ENOX1: variants seen among roughly 807,000 people sequenced by gnomAD.
ENOX1 encodes the protein candidate growth-related and time keeping constitutive hydroquinone (NADH) oxidase.
In ENOX1, 42 loss-of-function variants were observed where a neutral mutation model predicts 82.5. The ratio of observed to expected loss-of-function variants is 0.51; its 90% CI spans 0.40 to 0.66. The LOEUF is 0.66. Ranked by LOEUF, ENOX1 falls within the 30% of genes least tolerant of loss-of-function variation. The pLI is 0.00. For missense variants in ENOX1, 608 were observed against 811.6 expected (o/e 0.75, Z 3.05); for synonymous variants, 271 against 282.2 (o/e 0.96, Z 0.40).
chr13:43,696,431 T>G (rs529632027), intron 1 of ENOX1, among the ~76,000 whole-genome samples: 1 of 152,382 alleles, frequency 6.6e-6, no homozygotes, highest in South Asian at 2.1e-4. Context: ...TGGTTCCTTC[T>G]GTGTCTGCTT....
chr13:43,432,834 G>C (rs1281836247), intron 3 of ENOX1, among the ~76,000 whole-genome samples: 1 of 151,736 alleles, frequency 6.6e-6, no homozygotes, highest in Non-Finnish European at 1.5e-5. Context: ...TTTTAAGGGG[G>C]ATTCAGACAC....
intron 12 of ENOX1, among the ~76,000 whole-genome samples, chr13:43,290,906 A>T (rs1374978560): frequency 5.3e-5 from 8 of 152,176 alleles, no homozygotes; most frequent in Non-Finnish European, 1.0e-4. Context: ...ACACGCCTGT[A>T]GTCCCAGCTA....
intron 9 of ENOX1, among the ~76,000 whole-genome samples, chr13:43,331,544 G>A (rs2048409290): frequency 6.6e-6 from 1 of 152,014 alleles, no homozygotes; most frequent in South Asian, 2.1e-4. Flanking sequence ...TCTATGAATA[G>A]CCCATGAGAG....
chr13:43,675,606 C>T (rs73479961), intron 1 of ENOX1, among the ~76,000 whole-genome samples: 7,252 of 152,218 alleles, frequency 0.048, 549 homozygotes, highest in African/African-American at 0.16. Context: ...AGCAATCTTT[C>T]GAAGAACAGA....
In ENOX1 at chr13:43,359,788, C is replaced by T. The variant is rs887453651; in HGVS notation, c.589+63G>A. 41 of 1,461,782 alleles carry T rather than the reference C, an allele frequency of 2.8e-5. 1 individual carries two copies. In the South Asian group the frequency reaches 4.7e-4, roughly 17 times the overall value. 90.6% of individuals were successfully genotyped at this position (1,461,782 alleles called of 1,614,324 possible). ...TTGCATGAAGGCCAAAGGGAATAAG[C>T]TCATATTAACATCACAAAACATAAC... On this transcript the variant is annotated intron_variant, in intron 7 of 16. Transcript: ENST00000690772.
intron 12 of ENOX1, among the ~76,000 whole-genome samples, chr13:43,281,569 G>A (rs2045386227): frequency 6.6e-6 from 1 of 151,212 alleles, no homozygotes. Context: ...TGCTCCTCTA[G>A]CTTTAGCAGT....
intron 3 of ENOX1, among the ~76,000 whole-genome samples, chr13:43,462,253 C>G (rs1266438561): frequency 1.3e-5 from 2 of 152,212 alleles, no homozygotes; most frequent in Non-Finnish European, 2.9e-5. Context: ...AATGCAAGAG[C>G]TTTTCTTCTG....
intron 2 of ENOX1, among the ~76,000 whole-genome samples, chr13:43,495,155 T>C (rs944295408): frequency 6.6e-5 from 10 of 152,174 alleles, no homozygotes; most frequent in Admixed American, 3.9e-4. Context: ...CAAAGATCAA[T>C]AGAGACTATC....
intron 9 of ENOX1, among the ~76,000 whole-genome samples, chr13:43,338,598 T>G (rs1331822857): frequency 2.0e-5 from 3 of 150,906 alleles, no homozygotes; most frequent in Non-Finnish European, 4.4e-5. Context: ...TTTTCATAAC[T>G]GGACATCCAT....
chr13:43,655,720 G>A (rs1056719039), intron 2 of ENOX1, among the ~76,000 whole-genome samples: 10 of 152,080 alleles, frequency 6.6e-5, no homozygotes, highest in Middle Eastern at 3.4e-3. Context: ...CTGCCCCACC[G>A]CTCCCCACAC....
chr13:43,600,698 G>T (rs2081670170), intron 2 of ENOX1, among the ~76,000 whole-genome samples: 1 of 152,094 alleles, frequency 6.6e-6, no homozygotes, highest in African/African-American at 2.4e-5. Flanking sequence ...TCCAGGCACT[G>T]GTTACCGCAG....
intron 11 of ENOX1, among the ~76,000 whole-genome samples, chr13:43,320,510 C>G (rs1345416689): frequency 6.6e-6 from 1 of 152,128 alleles, no homozygotes; most frequent in Non-Finnish European, 1.5e-5. Flanking sequence ...GAGGCCGGGC[C>G]CCGATCCTAT....
chr13:43,770,004 C>A (rs1402886836), intron 1 of ENOX1, among the ~76,000 whole-genome samples: 1 of 152,156 alleles, frequency 6.6e-6, no homozygotes, highest in Non-Finnish European at 1.5e-5. Flanking sequence ...TAAGAATTTA[C>A]CCAAATGAGA....
At chr13:43,246,312 C>A (rs1208530233) in intron 14 of ENOX1, among the ~76,000 whole-genome samples, 1 of 152,228 alleles carries the variant, frequency 6.6e-6, no homozygotes, top group Non-Finnish European at 1.5e-5. Flanking sequence ...GTCCTAACCA[C>A]TACACTAGGT....
rs958484826 is a variant in ENOX1, at chr13:43,483,991, G to A, written c.-75+18C>T. Reference sequence around the variant, plus strand: ...ACTTAGTATCTTCAGTAAGAAAAATGAAAAAATTAACACAAACCTCAAAAC... The same window carrying A: ...ACTTAGTATCTTCAGTAAGAAAAATAAAAAAATTAACACAAACCTCAAAAC... On this transcript the variant is annotated intron_variant, in intron 3 of 16. Transcript: ENST00000690772. 2 of 985,240 alleles carry A rather than the reference G, an allele frequency of 2.0e-6. No individual in the cohort carries two copies. Among genetic ancestry groups the A allele is most frequent in the African/African-American group, 3.5e-5 (2 of 57,212 alleles). The allele number at this position is 985,240 out of a possible 1,614,324, so 61.0% of individuals were successfully genotyped here.
chr13:43,615,245 T>C (rs1413676514), intron 2 of ENOX1, among the ~76,000 whole-genome samples: 1 of 152,220 alleles, frequency 6.6e-6, no homozygotes, highest in African/African-American at 2.4e-5. Context: ...TGTATTTTAA[T>C]AAATCTGTTT....
intron 2 of ENOX1, among the ~76,000 whole-genome samples, chr13:43,621,436 G>A (rs2082724418): frequency 6.6e-6 from 1 of 152,190 alleles, no homozygotes; most frequent in Admixed American, 6.5e-5. Flanking sequence ...AGTTCCTGTA[G>A]TGGTGGTTTG....
chr13:43,650,356 C>T (rs2084100858), intron 2 of ENOX1, among the ~76,000 whole-genome samples: 1 of 152,122 alleles, frequency 6.6e-6, no homozygotes, highest in East Asian at 1.9e-4. Flanking sequence ...AACAATCCAG[C>T]AGGCCACAGG....
At chr13:43,752,073 C>T (rs113929741) in intron 1 of ENOX1, among the ~76,000 whole-genome samples, 169 of 152,208 alleles carry the variant, frequency 1.1e-3, no homozygotes, top group African/African-American at 3.8e-3. Context: ...TACAACCATT[C>T]TACTATGTCT....
Sources: gnomAD v4.1 joint callset for allele counts (sites outside exome capture counted in the v4.1 genomes callset) on GRCh38, gnomAD v4.1.1 for gene constraint, MANE v1.5 for transcripts, NCBI Gene and HGNC (gene_info 2026-07-23, HGNC 2026-07-21) for gene names.